Variants in MTRF1 observed in about 807,000 individuals in gnomAD.
MTRF1 encodes the protein mitochondrial translation release factor 1.
Under a neutral mutation model 62.9 loss-of-function variants are expected in MTRF1, and 51 were observed. The observed-to-expected ratio is 0.81, with a 90% CI of 0.65 to 1.02. MTRF1 has a LOEUF of 1.02. Among genes scored for constraint, MTRF1 ranks in the 50% least tolerant of loss-of-function variants. The pLI is 0.00. For synonymous variants in MTRF1, 158 were observed against 181.9 expected, an observed-to-expected ratio of 0.87 and a Z score of 1.06; for missense variants, 446 against 530.0, an observed-to-expected ratio of 0.84 and a Z score of 1.56.
At chr13:41,235,093 T>A (rs961183047) in intron 6 of MTRF1, 1 of 18,686 alleles carries the variant, frequency 5.4e-5, no homozygotes, top group African/African-American at 1.9e-4. Context: ...ATTTAGCTAA[T>A]TTTTTTTTTT....
chr13:41,218,359 A>G (rs1283773520), intron 9 of MTRF1, among the ~76,000 whole-genome samples: 1 of 149,006 alleles, frequency 6.7e-6, no homozygotes, highest in African/African-American at 2.5e-5. Context: ...CCTGAGCTCA[A>G]GCGATCCTCC....
chr13:41,251,598 TGGTTGTATCTGAAATCTGTACCA>T (rs1233483046), intron 5 of MTRF1, among the ~76,000 whole-genome samples: 1 of 152,316 alleles, frequency 6.6e-6, no homozygotes, highest in South Asian at 2.1e-4. Flanking sequence ...TCCTGACCAC[TGGTTGTATCTGAAATCTGTACCA>T]GGTACAACTT....
At chr13:41,255,996 A>G (rs1247106419) in intron 2 of MTRF1, among the ~76,000 whole-genome samples, 1 of 152,214 alleles carries the variant, frequency 6.6e-6, no homozygotes, top group Non-Finnish European at 1.5e-5. Flanking sequence ...AATTATAAAG[A>G]AGAGAAGACT....
At chr13:41,296,849 A>G in the MTRF1 span, among the ~76,000 whole-genome samples, 1 of 152,148 alleles carries the variant, frequency 6.6e-6, no homozygotes, top group South Asian at 2.1e-4. Flanking sequence ...TAAATGCTGC[A>G]CGTAATAGCA....
the MTRF1 span, among the ~76,000 whole-genome samples, chr13:41,300,930 C>A: frequency 6.6e-6 from 1 of 152,192 alleles, no homozygotes; most frequent in African/African-American, 2.4e-5. Context: ...GCTCCATATT[C>A]ATGTCTCTCT....
At chr13:41,285,047 C>T in the MTRF1 span, among the ~76,000 whole-genome samples, 1 of 152,220 alleles carries the variant, frequency 6.6e-6, no homozygotes, top group East Asian at 1.9e-4. Flanking sequence ...GTGAGTTCCT[C>T]GAATTGTTGA....
At chr13:41,240,564 G>A (rs1254344882) in intron 5 of MTRF1, 131 bp from the exon 6 acceptor site, 12 of 671,178 alleles carry the variant, frequency 1.8e-5, no homozygotes, top group East Asian at 3.3e-5. Flanking sequence ...ATGGGAGAAC[G>A]AGGGCCTCTG....
the MTRF1 span, among the ~76,000 whole-genome samples, chr13:41,282,137 CAAA>C: frequency 8.8e-5 from 7 of 79,394 alleles, no homozygotes; most frequent in Admixed American, 1.5e-4. Context: ...GACTCCGTCT[CAAA>C]AAAAAAAAAA....
the MTRF1 span, among the ~76,000 whole-genome samples, chr13:41,286,098 A>G: frequency 1.2e-4 from 18 of 151,302 alleles, no homozygotes; most frequent in African/African-American, 3.9e-4. Context: ...CAAAAAAAAA[A>G]AAAAAAAAGG....
At chr13:41,267,008 A>C (rs542720043), upstream of MTRF1, among the ~76,000 whole-genome samples, 32 of 151,996 alleles carry the variant, frequency 2.1e-4, no homozygotes, top group African/African-American at 7.5e-4. Context: ...AAAAAAAAAA[A>C]AAAAAAAAAC....
At chr13:41,311,443 G>A in the MTRF1 span, 3 of 1,303,374 alleles carry the variant, frequency 2.3e-6, no homozygotes, top group African/African-American at 3.0e-5. Flanking sequence ...TCTCAGCAGC[G>A]GTTCGTCCCG....
chr13:41,243,325 C>T (rs1437652857), intron 5 of MTRF1, among the ~76,000 whole-genome samples: 1 of 145,104 alleles, frequency 6.9e-6, no homozygotes, highest in Non-Finnish European at 1.5e-5. Flanking sequence ...GAGAAGATGG[C>T]TTGAGCCCAG....
upstream of MTRF1, among the ~76,000 whole-genome samples, chr13:41,265,293 A>G (rs1307513954): frequency 1.3e-5 from 2 of 152,068 alleles, no homozygotes; most frequent in South Asian, 2.1e-4. Flanking sequence ...GTGGTGGCTC[A>G]TGCTTGTAAT....
At chr13:41,304,888 T>C in the MTRF1 span, among the ~76,000 whole-genome samples, 2 of 152,258 alleles carry the variant, frequency 1.3e-5, no homozygotes, top group Admixed American at 6.5e-5. Context: ...TGGCTCTATT[T>C]TCAATTCAGG....
chr13:41,221,684 AAAGTCAGATATTTTATAACT>A (rs1412114365), intron 9 of MTRF1, among the ~76,000 whole-genome samples: 1 of 152,174 alleles, frequency 6.6e-6, no homozygotes, highest in East Asian at 1.9e-4. Context: ...TATTTAGGCC[AAAGTCAGATATTTTATAACT>A]ACAGAAGCCA....
the MTRF1 span, among the ~76,000 whole-genome samples, chr13:41,273,791 C>T: frequency 1.3e-5 from 2 of 152,072 alleles, no homozygotes; most frequent in Non-Finnish European, 2.9e-5. Context: ...GAGCCAAGAT[C>T]GCACCATTGC....
At position 41,230,219 on chromosome 13, in the gene MTRF1, G is replaced by A. The variant is rs140675904; in HGVS notation, c.989-3651C>T. On this transcript the variant is annotated intron_variant, in intron 7 of 9. Coordinates refer to ENST00000379480, the MANE Select transcript of MTRF1 (RefSeq NM_004294.4). ...GATATATGCCAACAATGGTTACTGG[G>A]TTATTATTACGGATGTTTTATGTTC... 3.3e-5 allele frequency among the ~76,000 whole-genome samples: 5 copies of A among 152,020 alleles called. No individual in the cohort carries two copies. The East Asian group carries it at 9.6e-4, about 29-fold the overall frequency.
At chr13:41,239,466 A>T (rs2037177524) in intron 6 of MTRF1, among the ~76,000 whole-genome samples, 1 of 152,194 alleles carries the variant, frequency 6.6e-6, no homozygotes, top group African/African-American at 2.4e-5. Flanking sequence ...ACACATATAT[A>T]TAGGAATCAA....
chr13:41,254,401 G>T, intron 3 of MTRF1, 128 bp downstream of exon 3: 1 of 482,152 alleles, frequency 2.1e-6, no homozygotes, highest in Non-Finnish European at 3.6e-6. Flanking sequence ...AGACCAGCTT[G>T]ATCACTTATC....
Sources: gnomAD v4.1 joint callset for allele counts (sites outside exome capture counted in the v4.1 genomes callset) on GRCh38, gnomAD v4.1.1 for gene constraint, MANE v1.5 for transcripts, NCBI Gene and HGNC (gene_info 2026-07-23, HGNC 2026-07-21) for gene names.